Variants in AGAP3 observed in about 807,000 individuals in gnomAD.
AGAP3 encodes ArfGAP with GTPase domain, ankyrin repeat and PH domain 3, also known as arf-GAP with GTPase, ANK repeat and PH domain-containing protein 3.
A neutral mutation model predicts 96.9 loss-of-function variants in AGAP3; 24 were observed. The ratio of observed to expected loss-of-function variants is 0.25; its 90% confidence interval spans 0.18 to 0.35. The LOEUF (loss-of-function observed/expected upper bound fraction) is 0.35. Ranked by LOEUF, AGAP3 falls within the 10% of genes least tolerant of loss-of-function variation. The pLI, the probability that AGAP3 is intolerant of heterozygous loss-of-function variation, is 1.00. For missense variants in AGAP3, 876 were observed against 1,254.2 expected (o/e 0.70, Z 4.55); for synonymous variants, 563 against 536.1 (o/e 1.05, Z -0.69).
Position 151,121,735 on chromosome 7 carries a change from A to G in AGAP3, c.1128+1590A>G, listed in dbSNP as rs569171370. Among the ~76,000 whole-genome samples, 26 of 151,942 alleles carry G rather than the reference A, an allele frequency of 1.7e-4. No individual in the cohort carries two copies. The South Asian group carries it at 4.8e-3, about 28-fold the overall frequency. On this transcript the variant is annotated intron_variant, in intron 8 of 17. Transcript: ENST00000397238. The stretch of plus-strand genomic sequence containing the variant: ...TCTCCATCCTCACAGCGGCGACCTT[A>G]TATTTTCCTTCCATTGTTTCTGTGG...
chr7:151,115,419 C>A, intron 1 of AGAP3: 2 of 1,009,604 alleles, frequency 2.0e-6, no homozygotes, highest in Non-Finnish European at 2.4e-6. Flanking sequence ...CGCGCGCACC[C>A]GTAGCGACGG....
rs1018923725 is a variant in AGAP3 at position 151,134,603 on chromosome 7, G to A, written c.1495+35G>A. The stretch of plus-strand genomic sequence containing the variant: ...CTGCTGAGGTGGGGGCCTGGGGGGT[G>A]GCTGCCTTGGAGCCAAGGCAAGCAG... On this transcript the variant is annotated intron_variant, in intron 11 of 17. Coordinates refer to ENST00000397238, the MANE Select transcript of AGAP3 (RefSeq NM_031946.7). 3.2e-6 allele frequency: 5 copies of A among 1,563,854 alleles called. No homozygotes were observed. In the Middle Eastern group the frequency reaches 5.6e-4, roughly 174 times the overall value.
intron 9 of AGAP3, among the ~76,000 whole-genome samples, chr7:151,126,631 C>T (rs567343372): frequency 1.1e-4 from 16 of 152,268 alleles, no homozygotes; most frequent in African/African-American, 3.8e-4. Context: ...CCTTCGAGCA[C>T]GCTAGTCCCA....
At position 151,138,462 on chromosome 7, in the gene AGAP3, CAGAG is replaced by C. The variant is rs1011985615; in HGVS notation, c.1666+153_1666+156del. ...CCCAGCTGGGCCCTCCTGGGCTTGT[CAGAG>C]AGACCCTGCTTCGGGGCTAGTACTG... On this transcript the variant is annotated intron_variant, in intron 12 of 17. Coordinates refer to ENST00000397238, the MANE Select transcript of AGAP3 (RefSeq NM_031946.7). 5.4e-5 allele frequency: 49 copies of C among 900,694 alleles called. 1 individual carries two copies. In the East Asian group the frequency reaches 6.8e-4, roughly 12 times the overall value. The allele number at this position is 900,694 out of a possible 1,614,324, so 55.8% of individuals were successfully genotyped here.
At chr7:151,123,697 C>A in intron 8 of AGAP3, 97 bp from the exon 9 acceptor site, 1 of 1,584,110 alleles carries the variant, frequency 6.3e-7, no homozygotes, top group South Asian at 1.1e-5. Flanking sequence ...TAGGGCTGCC[C>A]AGGAGGAGGG....
rs1025495710 is a variant in AGAP3, at chr7:151,122,913, G to A, written c.1129-881G>A. Reference sequence around the variant, plus strand: ...GAGCTCCCCACTCCAGAGACCCACGGGAACCTTTGTAACTAACCCCACCCC... The same window carrying A: ...GAGCTCCCCACTCCAGAGACCCACGAGAACCTTTGTAACTAACCCCACCCC... On this transcript the variant is annotated intron_variant, in intron 8 of 17. Coordinates refer to ENST00000397238, the MANE Select transcript of AGAP3 (RefSeq NM_031946.7). 2.7e-6 allele frequency: 4 copies of A among 1,486,464 alleles called. 1 individual carries two copies. The Admixed American group carries it at 9.9e-5, about 37-fold the overall frequency. The allele number at this position is 1,486,464 out of a possible 1,614,324, so 92.1% of individuals were successfully genotyped here.
chr7:151,116,811 A>G lies in AGAP3; in HGVS notation c.350A>G (p.Gln117Arg). 6.2e-7 allele frequency: 1 copy of G among 1,614,094 alleles called. No individual in the cohort carries two copies. Among genetic ancestry groups the G allele is most frequent in the South Asian group, 1.1e-5 (1 of 91,090 alleles). ...TCCGCAGACTCGTTTGTGAACAGCC[A>G]GGAGTGGACGCTGAGCCGCTCCGTA... is the stretch of plus-strand genomic sequence containing the variant. ...ISIEDSFVNS[Q>R]EWTLSRSVPE... Residue 117 changes from glutamine to arginine, a missense_variant, in exon 2 of 18, where the codon CAG becomes CGG. By Grantham distance (43) the Gln-to-Arg change is conservative (BLOSUM62 1). Around this residue, in one of 8 missense-constraint regions of AGAP3, gnomAD observed 131 missense variants for 304.5 expected, o/e 0.43. Coordinates refer to ENST00000397238, the MANE Select transcript of AGAP3 (RefSeq NM_031946.7).
chr7:151,120,605 C>T (rs1396150186), intron 8 of AGAP3: 2 of 1,294,114 alleles, frequency 1.5e-6, no homozygotes, highest in Admixed American at 2.3e-5. Context: ...CCAGGCCTCC[C>T]CGTCGCCTTC....
chr7:151,092,815 C>CTTAT (rs1798451558), intron 1 of AGAP3, among the ~76,000 whole-genome samples: 1 of 152,116 alleles, frequency 6.6e-6, no homozygotes, highest in African/African-American at 2.4e-5. Flanking sequence ...CATGTATGGG[C>CTTAT]TGAATAAGTG....
intron 10 of AGAP3, among the ~76,000 whole-genome samples, chr7:151,130,142 G>GCCCTTC (rs1316682711): frequency 6.6e-6 from 1 of 152,200 alleles, no homozygotes; most frequent in East Asian, 1.9e-4. Flanking sequence ...GTGTGGAGCT[G>GCCCTTC]CCCTTCCCCT....
At chr7:151,126,792 C>T (rs189284744) in intron 9 of AGAP3, among the ~76,000 whole-genome samples, 6 of 152,196 alleles carry the variant, frequency 3.9e-5, no homozygotes, top group Non-Finnish European at 5.9e-5. Context: ...AGAGGCAGGG[C>T]CCGCTTGCCT....
chr7:151,135,678 C>T (rs1057476457), intron 11 of AGAP3, among the ~76,000 whole-genome samples: 34 of 152,098 alleles, frequency 2.2e-4, no homozygotes, highest in African/African-American at 5.6e-4. Context: ...TGGACCAGCC[C>T]GAAGGCAGGG....
intron 7 of AGAP3, 151 bp from the exon 8 acceptor site, chr7:151,119,836 T>C (rs1177380913): frequency 1.2e-5 from 8 of 668,326 alleles, no homozygotes; most frequent in East Asian, 3.0e-5. Context: ...CAGGTGAATG[T>C]TCCCCCCATA....
intron 1 of AGAP3, among the ~76,000 whole-genome samples, chr7:151,106,361 C>G (rs970482917): frequency 6.6e-6 from 1 of 152,156 alleles, no homozygotes; most frequent in African/African-American, 2.4e-5. Context: ...GAGACAGGGT[C>G]TCACTCTGTT....
chr7:151,123,857 G>A lies in AGAP3; in HGVS notation c.1192G>A (p.Gly398Arg), dbSNP rs1206350897. The A allele has an allele frequency of 6.2e-7, 1 of 1,610,982 alleles. No homozygotes were observed. The highest frequency in any genetic ancestry group is 1.1e-5 in the South Asian group (1 of 91,078). Residue 398 changes from glycine to arginine, a missense_variant, in exon 9 of 18, where the codon GGG (glycine) becomes AGG (arginine). Coordinates refer to ENST00000397238, the MANE Select transcript of AGAP3 (RefSeq NM_031946.7). ...TGCCGAGTGCAAGGTGGACAGCATCGGGAGCGGCCGCGCCATCCCCATCAA... is the reference window on the plus strand; with the variant it reads ...TGCCGAGTGCAAGGTGGACAGCATCAGGAGCGGCCGCGCCATCCCCATCAA... ...KAAECKVDSI[G>R]SGRAIPIKQG...
rs1357733287 is a variant in AGAP3, at chr7:151,142,893, T to C, written c.2273+259T>C. On this transcript the variant is annotated intron_variant, in intron 16 of 17. Coordinates refer to ENST00000397238, the MANE Select transcript of AGAP3 (RefSeq NM_031946.7). This position sits in a 1 kb window ranked among gnomAD's most constrained non-coding sequence, Gnocchi z 7.5. ...CGCATGCGCAGGGCCCCTATCACGG[T>C]GTGGTGCAGAGCGCCCACTCCGGAG... Among the ~76,000 whole-genome samples, 3 of 152,148 alleles carry C rather than the reference T, an allele frequency of 2.0e-5. No individual in the cohort carries two copies. Among genetic ancestry groups the C allele is most frequent in the Admixed American group, 1.3e-4 (2 of 15,280 alleles).
intron 1 of AGAP3, among the ~76,000 whole-genome samples, chr7:151,089,101 G>C (rs369082013): frequency 4.6e-5 from 7 of 150,922 alleles, no homozygotes; most frequent in Non-Finnish European, 1.0e-4. Context: ...TCCTGGCACC[G>C]TCATCTTTAT....
At position 151,086,669 on chromosome 7, in the gene AGAP3, T is replaced by TGCC. The variant is rs570588152; in HGVS notation, c.-51_-49dup. On this transcript the variant is annotated 5_prime_UTR_variant, in exon 1 of 18. Transcript: ENST00000397238. The stretch of plus-strand genomic sequence containing the variant: ...CCAGCCCCGCGCTCCCGCTCGCCGC[T>TGCC]GCCGCCGCCGCCGCCGCCGCCGCCT... 1.3e-3 allele frequency: 205 copies of TGCC among 158,934 alleles called. No homozygotes were observed. The highest frequency in any genetic ancestry group is 2.7e-3 in the African/African-American group (110 of 40,426). The allele number at this position is 158,934 out of a possible 1,614,324, so 9.8% of individuals were successfully genotyped here.
Position 151,114,538 on chromosome 7 carries a change from G to T in AGAP3, c.332-2255G>T. 4.4e-6 allele frequency: 1 copy of T among 226,112 alleles called. No homozygotes were observed. Among genetic ancestry groups the T allele is most frequent in the Non-Finnish European group, 7.4e-6 (1 of 135,296 alleles). The allele number at this position is 226,112 out of a possible 1,614,324, so 14.0% of individuals were successfully genotyped here. On this transcript the variant is annotated intron_variant, in intron 1 of 17. Coordinates refer to ENST00000397238, the MANE Select transcript of AGAP3 (RefSeq NM_031946.7). The surrounding 1 kb of genome is among the most constrained non-coding windows in gnomAD (Gnocchi z 4.4). Reference sequence around the variant, plus strand: ...CAGGCCGGCTCCCCCGCGCCGCGCCGCCGTTCCCGGGCGTTCCAGGCCAGA... The same window carrying T: ...CAGGCCGGCTCCCCCGCGCCGCGCCTCCGTTCCCGGGCGTTCCAGGCCAGA...
Sources: allele counts gnomAD v4.1 joint callset (sites outside exome capture counted in the v4.1 genomes callset), GRCh38; gene constraint gnomAD v4.1.1; regional missense constraint gnomAD v4.1.1; non-coding constraint Gnocchi (gnomAD v3.1); transcripts MANE v1.5; gene names NCBI Gene and HGNC (gene_info 2026-07-23, HGNC 2026-07-21).